GAB1: variants seen among roughly 807,000 people sequenced by gnomAD.
The protein encoded by GAB1 is GRB2-associated-binding protein 1.
In GAB1, 19 loss-of-function variants were observed where a neutral mutation model predicts 66.5. The ratio of observed to expected loss-of-function variants is 0.29; its 90% CI spans 0.20 to 0.42. The LOEUF is 0.42. Ranked by LOEUF, GAB1 falls within the 10% of genes least tolerant of loss-of-function variation. GAB1 has a pLI of 1.00. For synonymous variants in GAB1, 294 were observed against 301.4 expected (o/e 0.98, Z 0.25); for missense variants, 732 against 858.5 (o/e 0.85, Z 1.84).
At chr4:143,358,952 A>C (rs1158199314) in intron 1 of GAB1, among the ~76,000 whole-genome samples, 1 of 152,240 alleles carries the variant, frequency 6.6e-6, no homozygotes, top group East Asian at 1.9e-4. Flanking sequence ...TTTAACTTCT[A>C]TCCCGGTTCC....
At chr4:143,459,609 TGTGAAG>T in intron 7 of GAB1, 131 bp downstream of exon 7, 1 of 676,174 alleles carries the variant, frequency 1.5e-6, no homozygotes, top group Non-Finnish European at 2.6e-6. Flanking sequence ...TTGGGGGTTC[TGTGAAG>T]TCAAAACCAT....
intron 1 of GAB1, among the ~76,000 whole-genome samples, chr4:143,373,011 A>G (rs1157941492): frequency 1.3e-5 from 2 of 151,606 alleles, no homozygotes; most frequent in Non-Finnish European, 1.5e-5. Context: ...ATTTAATTTT[A>G]GTAACGCATC....
At chr4:143,372,930 C>A (rs1730198098) in intron 1 of GAB1, among the ~76,000 whole-genome samples, 1 of 152,206 alleles carries the variant, frequency 6.6e-6, no homozygotes, top group African/African-American at 2.4e-5. Context: ...TCCCAGAATT[C>A]AACTCATCTT....
intron 1 of GAB1, among the ~76,000 whole-genome samples, chr4:143,399,700 CAA>C (rs550094405): frequency 6.6e-6 from 1 of 152,122 alleles, no homozygotes; most frequent in African/African-American, 2.4e-5. Flanking sequence ...TAAGGGCACT[CAA>C]AGTGATTTTT....
intron 1 of GAB1, among the ~76,000 whole-genome samples, chr4:143,360,693 T>A (rs1729629170): frequency 6.6e-6 from 1 of 152,248 alleles, no homozygotes; most frequent in South Asian, 2.1e-4. Context: ...AATAAGAATT[T>A]TTTTCATGTG....
intron 9 of GAB1, among the ~76,000 whole-genome samples, chr4:143,466,816 C>T (rs1044359773): frequency 4.6e-5 from 7 of 152,020 alleles, no homozygotes; most frequent in Non-Finnish European, 8.8e-5. Context: ...CTAAAGTTAA[C>T]CAGTCTAGTG....
At chr4:143,356,392 G>A (rs1212622427) in intron 1 of GAB1, among the ~76,000 whole-genome samples, 1 of 152,050 alleles carries the variant, frequency 6.6e-6, no homozygotes, top group African/African-American at 2.4e-5. Flanking sequence ...TTTTAAAAAA[G>A]TACTTGTAAA....
intron 1 of GAB1, among the ~76,000 whole-genome samples, chr4:143,338,721 G>GTGTGTGTGTT (rs1352223029): frequency 1.3e-5 from 2 of 151,934 alleles, no homozygotes; most frequent in East Asian, 3.9e-4. Flanking sequence ...GGGTGTGTGT[G>GTGTGTGTGTT]TGTGTGTGTA....
rs557796848 is a variant in GAB1, at chr4:143,464,455, C to T, written c.1804-1648C>T. ...ATGTTGGCCAGGCTGGTCTCAAACTCCTGACCTCAGGTGGTCCGCCCGCCT... is the reference window on the plus strand; with the variant it reads ...ATGTTGGCCAGGCTGGTCTCAAACTTCTGACCTCAGGTGGTCCGCCCGCCT... On this transcript the variant is annotated intron_variant, in intron 8 of 9. Transcript: ENST00000262994. Among the ~76,000 whole-genome samples, 4 of 152,156 alleles carry T rather than the reference C, an allele frequency of 2.6e-5. No individual in the cohort carries two copies. The East Asian group carries it at 7.7e-4, about 29-fold the overall frequency.
chr4:143,406,708 A>ACT (rs1732064313), intron 1 of GAB1, among the ~76,000 whole-genome samples: 1 of 152,236 alleles, frequency 6.6e-6, no homozygotes, highest in East Asian at 1.9e-4. Flanking sequence ...CAGTACACAC[A>ACT]GCTGTGGGTC....
chr4:143,374,300 GTTTGT>G (rs1560726230), intron 1 of GAB1, among the ~76,000 whole-genome samples: 1 of 152,088 alleles, frequency 6.6e-6, no homozygotes, highest in Non-Finnish European at 1.5e-5. Context: ...GTCACTGAGG[GTTTGT>G]ATTGGTTGCA....
rs1438657550 is a variant in GAB1 at position 143,337,162 on chromosome 4, C to G, written c.-27C>G. Reference sequence around the variant, plus strand: ...GCGCGCCCGCCGCCCCTCAGCTGCCCGGCCCGGAGCCCGAGACGCGCGCAC... The same window carrying G: ...GCGCGCCCGCCGCCCCTCAGCTGCCGGGCCCGGAGCCCGAGACGCGCGCAC... On this transcript the variant is annotated 5_prime_UTR_variant, in exon 1 of 10. Coordinates refer to ENST00000262994, the MANE Select transcript of GAB1 (RefSeq NM_002039.4). 2 of 1,557,374 alleles carry G rather than the reference C, an allele frequency of 1.3e-6. No homozygotes were observed. Among genetic ancestry groups the G allele is most frequent in the East Asian group, 2.4e-5 (1 of 42,126 alleles).
At chr4:143,467,229 T>G (rs1420537417) in intron 9 of GAB1, among the ~76,000 whole-genome samples, 1 of 152,250 alleles carries the variant, frequency 6.6e-6, no homozygotes, top group Non-Finnish European at 1.5e-5. Context: ...TTGCTTCTAT[T>G]CCTATGGAAA....
At position 143,452,509 on chromosome 4, in the gene GAB1, A is replaced by AT. The variant is rs1213406980; in HGVS notation, c.1586-6875dup. On this transcript the variant is annotated intron_variant, in intron 6 of 9. Coordinates refer to ENST00000262994, the MANE Select transcript of GAB1 (RefSeq NM_002039.4). The stretch of plus-strand genomic sequence containing the variant: ...CAGTATACAGCAGTATATTAGAAAA[A>AT]TATTAGACCAAGAATCCAAAAAGCC... Among the ~76,000 whole-genome samples the AT allele has an allele frequency of 3.3e-5, 5 of 152,346 alleles. No homozygotes were observed. In the East Asian group the frequency reaches 9.6e-4, roughly 29 times the overall value.
intron 6 of GAB1, among the ~76,000 whole-genome samples, chr4:143,450,746 C>T (rs1236502220): frequency 1.3e-5 from 2 of 152,008 alleles, no homozygotes; most frequent in African/African-American, 2.4e-5. Flanking sequence ...AAAAAATTAG[C>T]CAGGCGTGGT....
intron 2 of GAB1, chr4:143,426,135 G>A (rs1733342370): frequency 2.3e-6 from 1 of 433,696 alleles, no homozygotes; most frequent in African/African-American, 2.0e-5. Flanking sequence ...ATTTACTCAG[G>A]CCAGATTCTC....
At chr4:143,461,048 C>T (rs545165917) in intron 8 of GAB1, among the ~76,000 whole-genome samples, 1 of 152,258 alleles carries the variant, frequency 6.6e-6, no homozygotes. Flanking sequence ...GTTGGCTATA[C>T]TACCATAAAG....
At chr4:143,407,638 G>C (rs1732123558) in intron 1 of GAB1, among the ~76,000 whole-genome samples, 1 of 152,176 alleles carries the variant, frequency 6.6e-6, no homozygotes, top group African/African-American at 2.4e-5. Flanking sequence ...GGTGACAACA[G>C]TTTGAAAACA....
chr4:143,392,023 C>T (rs62337528), intron 1 of GAB1, among the ~76,000 whole-genome samples: 6,463 of 152,162 alleles, frequency 0.042, 150 homozygotes, highest in African/African-American at 0.052. Flanking sequence ...TTAAAATCTG[C>T]GATTTTATTC....
Sources: gnomAD v4.1 joint callset for allele counts (sites outside exome capture counted in the v4.1 genomes callset) on GRCh38, gnomAD v4.1.1 for gene constraint, MANE v1.5 for transcripts, NCBI Gene and HGNC (gene_info 2026-07-23, HGNC 2026-07-21) for gene names.